Variants in SLC35F4 observed in about 807,000 individuals in gnomAD.
The protein encoded by SLC35F4 is chromosome 14 open reading frame 36.
In SLC35F4, 24 loss-of-function variants were observed where a neutral mutation model predicts 44.2. That is an observed-to-expected ratio of 0.54 (90% CI 0.39 to 0.76). The LOEUF (loss-of-function observed/expected upper bound fraction) is 0.76, where lower values mean the gene tolerates loss of function less well. SLC35F4 is among the 30% of genes least tolerant of loss of function. SLC35F4 has a pLI of 0.00. For missense variants in SLC35F4, 562 were observed against 586.1 expected (o/e 0.96, Z 0.42); for synonymous variants, 238 against 223.6 (o/e 1.06, Z -0.57).
intron 1 of SLC35F4, among the ~76,000 whole-genome samples, chr14:57,725,941 A>T (rs186927797): frequency 6.6e-6 from 1 of 152,204 alleles, no homozygotes; most frequent in Non-Finnish European, 1.5e-5. Flanking sequence ...GCTGGCCTAG[A>T]TGTCTTACTT....
At chr14:57,636,922 T>A (rs1334090473) in intron 1 of SLC35F4, among the ~76,000 whole-genome samples, 1 of 152,118 alleles carries the variant, frequency 6.6e-6, no homozygotes, top group Non-Finnish European at 1.5e-5. Context: ...CTCCAAATGC[T>A]TTATTTTCCA....
At chr14:57,613,829 G>A (rs1250322896) in intron 1 of SLC35F4, among the ~76,000 whole-genome samples, 2 of 152,192 alleles carry the variant, frequency 1.3e-5, no homozygotes, top group Admixed American at 6.5e-5. Flanking sequence ...TCCTCTCCAA[G>A]CCTCAGTTTC....
At chr14:57,701,443 CAT>C (rs1318736400) in intron 1 of SLC35F4, among the ~76,000 whole-genome samples, 4 of 152,140 alleles carry the variant, frequency 2.6e-5, no homozygotes, top group African/African-American at 9.7e-5. Flanking sequence ...ATAGTAAAAA[CAT>C]AAACTGTTAA....
intron 1 of SLC35F4, among the ~76,000 whole-genome samples, chr14:57,882,032 T>C (rs1464055304): frequency 1.3e-5 from 2 of 152,160 alleles, no homozygotes; most frequent in Non-Finnish European, 2.9e-5. Flanking sequence ...CGGCCTCCCA[T>C]ATGCCCTTCA....
At chr14:57,578,325 GTTTTTTTTTTTTTTTTTTTTTTT>G (rs199785589) in intron 4 of SLC35F4, among the ~76,000 whole-genome samples, 14 of 43,116 alleles carry the variant, frequency 3.2e-4, no homozygotes, top group South Asian at 1.1e-3. Flanking sequence ...CCCTTTAACT[GTTTTTTTTTTTTTTTTTTTTTTT>G]TTTTTTTTTT....
intron 1 of SLC35F4, among the ~76,000 whole-genome samples, chr14:57,717,755 A>G (rs1415138438): frequency 6.6e-6 from 1 of 152,202 alleles, no homozygotes; most frequent in Non-Finnish European, 1.5e-5. Context: ...ATATATATTT[A>G]TGGAGTACAC....
At chr14:57,608,792 G>T (rs1032630901) in intron 1 of SLC35F4, among the ~76,000 whole-genome samples, 5 of 22,304 alleles carry the variant, frequency 2.2e-4, no homozygotes, top group African/African-American at 2.9e-4. Flanking sequence ...ATGGCCGGGG[G>T]GGGGCGGCGG....
At chr14:57,707,634 C>T (rs1168184535) in intron 1 of SLC35F4, among the ~76,000 whole-genome samples, 1 of 152,018 alleles carries the variant, frequency 6.6e-6, no homozygotes, top group Admixed American at 6.6e-5. Context: ...TAAATTGGTA[C>T]CGAGCTAGTG....
At chr14:57,768,840 C>A (rs1438677778) in intron 1 of SLC35F4, among the ~76,000 whole-genome samples, 1 of 152,102 alleles carries the variant, frequency 6.6e-6, no homozygotes, top group African/African-American at 2.4e-5. Flanking sequence ...ACAATCTCTG[C>A]CTCCCAGGTT....
intron 1 of SLC35F4, among the ~76,000 whole-genome samples, chr14:57,715,542 G>A (rs1009278260): frequency 1.3e-5 from 2 of 152,178 alleles, no homozygotes; most frequent in Non-Finnish European, 2.9e-5. Flanking sequence ...TAAGAAGGGA[G>A]GGGTCCTTGA....
chr14:57,898,629 A>T (rs966954998), intron 1 of SLC35F4, among the ~76,000 whole-genome samples: 1 of 152,198 alleles, frequency 6.6e-6, no homozygotes, highest in African/African-American at 2.4e-5. Flanking sequence ...AAAATATTTG[A>T]CAGTTGTTCC....
chr14:57,802,238 A>T (rs1281557722), intron 1 of SLC35F4, among the ~76,000 whole-genome samples: 2 of 152,208 alleles, frequency 1.3e-5, no homozygotes, highest in African/African-American at 2.4e-5. Flanking sequence ...TTCTTGGGTA[A>T]ATAATAAAAT....
At chr14:57,954,572 TA>T (rs200311181) in intron 1 of SLC35F4, among the ~76,000 whole-genome samples, 1 of 151,404 alleles carries the variant, frequency 6.6e-6, no homozygotes, top group African/African-American at 2.4e-5. Context: ...ATAGACACAG[TA>T]AAAAAATGAT....
intron 1 of SLC35F4, among the ~76,000 whole-genome samples, chr14:57,622,765 C>A (rs1657646223): frequency 1.3e-5 from 2 of 151,884 alleles, no homozygotes; most frequent in Non-Finnish European, 2.9e-5. Flanking sequence ...CACATGTATA[C>A]ATATGTAACT....
intron 1 of SLC35F4, chr14:57,596,773 A>G (rs2070515744): frequency 7.3e-7 from 1 of 1,364,856 alleles, no homozygotes; most frequent in Non-Finnish European, 9.8e-7. Context: ...CATTTTCACT[A>G]AAATATTATG....
chr14:57,661,612 T>C (rs1369764059), intron 1 of SLC35F4, among the ~76,000 whole-genome samples: 1 of 152,078 alleles, frequency 6.6e-6, no homozygotes, highest in Non-Finnish European at 1.5e-5. Flanking sequence ...AGGACTTGAG[T>C]CATAATATCA....
At chr14:57,858,002 A>G (rs915642600) in intron 1 of SLC35F4, among the ~76,000 whole-genome samples, 2 of 152,062 alleles carry the variant, frequency 1.3e-5, no homozygotes, top group Admixed American at 6.5e-5. Context: ...ACCAGTTAGA[A>G]TGGCCATCAT....
At chr14:57,664,131 G>A (rs1467305772) in intron 1 of SLC35F4, among the ~76,000 whole-genome samples, 1 of 152,112 alleles carries the variant, frequency 6.6e-6, no homozygotes, top group South Asian at 2.1e-4. Flanking sequence ...ACCACCTACA[G>A]GGACATTTAC....
intron 1 of SLC35F4, among the ~76,000 whole-genome samples, chr14:57,636,745 ATAGACT>A (rs896211951): frequency 6.6e-6 from 1 of 152,086 alleles, no homozygotes; most frequent in Non-Finnish European, 1.5e-5. Flanking sequence ...TCTCTGCCAG[ATAGACT>A]TAGACTTAAA....
Sources: allele counts gnomAD v4.1 joint callset (sites outside exome capture counted in the v4.1 genomes callset), GRCh38; gene constraint gnomAD v4.1.1; transcripts MANE v1.5; gene names NCBI Gene and HGNC (gene_info 2026-07-23, HGNC 2026-07-21).